The following GLS variants were observed in gnomAD, a reference collection of about 807,000 sequenced individuals.
GLS encodes the protein glutaminase, also known as glutaminase kidney isoform, mitochondrial.
Under a neutral mutation model 86.7 loss-of-function variants are expected in GLS, and 36 were observed. The ratio of observed to expected loss-of-function variants is 0.42; its 90% CI spans 0.32 to 0.55. The LOEUF (loss-of-function observed/expected upper bound fraction) is 0.55. Ranked by LOEUF, GLS falls within the 20% of genes least tolerant of loss-of-function variation. The pLI, the probability that GLS is intolerant of heterozygous loss-of-function variation, is 0.17. For synonymous variants in GLS, 317 were observed against 305.9 expected (o/e 1.04, Z -0.38); for missense variants, 528 against 833.4 (o/e 0.63, Z 4.51).
chr2:190,926,944 CT>C (rs750064252), intron 11 of GLS: 13 of 160,292 alleles, frequency 8.1e-5, no homozygotes, highest in Admixed American at 1.2e-4. Flanking sequence ...TTTCATGGCT[CT>C]TTTTTTTTCT....
chr2:190,957,574 A>G (rs1334056309), intron 17 of GLS, among the ~76,000 whole-genome samples: 1 of 152,212 alleles, frequency 6.6e-6, no homozygotes, highest in Admixed American at 6.5e-5. Context: ...TTATTTTGAG[A>G]TACATTCCAT....
At chr2:190,932,744 G>T (rs760266221) in intron 14 of GLS, 1 of 1,601,676 alleles carries the variant, frequency 6.2e-7, no homozygotes, top group Non-Finnish European at 8.5e-7. Context: ...GACTATGAAA[G>T]TCTCCAACAA....
chr2:190,927,404 C>T lies in GLS; in HGVS notation c.1347C>T (p.Ser449=). The change falls in exon 12 of 18, where the codon AGC becomes AGT. Residue 449 remains serine, a synonymous_variant. Coordinates refer to ENST00000320717, the MANE Select transcript of GLS (RefSeq NM_014905.5). ...CAATTACTGGTGAAAGAGTACTGAGCCCTGAAGCAGTTCGAAATACATTGA... is the reference window on the plus strand; with the variant it reads ...CAATTACTGGTGAAAGAGTACTGAGTCCTGAAGCAGTTCGAAATACATTGA... ...FCPITGERVL[S]PEAVRNTLSL... 6.2e-7 allele frequency: 1 copy of T among 1,613,686 alleles called. No individual in the cohort carries two copies. The highest frequency in any genetic ancestry group is 1.1e-5 in the South Asian group (1 of 91,080).
Position 190,895,961 on chromosome 2 carries a change from T to G in GLS, c.605+236T>G. The G allele has an allele frequency of 3.6e-6, 1 of 278,966 alleles. No individual in the cohort carries two copies. Among genetic ancestry groups the G allele is most frequent in the Non-Finnish European group, 6.9e-6 (1 of 145,240 alleles). 17.3% of individuals were successfully genotyped at this position (278,966 alleles called of 1,614,324 possible). On this transcript the variant is annotated intron_variant, in intron 3 of 17. Transcript: ENST00000320717. The surrounding 1 kb of genome is among the most constrained non-coding windows in gnomAD (Gnocchi z 4.2). ...AATTTAGCCACCGATGTTTCCAGTT[T>G]ACAGTACTTGGAGATTGCATTCAGT...
intron 1 of GLS, among the ~76,000 whole-genome samples, chr2:190,883,914 CT>C (rs1416187758): frequency 6.6e-6 from 1 of 152,076 alleles, no homozygotes; most frequent in Non-Finnish European, 1.5e-5. Context: ...GTTACTTTAC[CT>C]TTTTTTCACA....
chr2:190,913,068 G>A lies in GLS; in HGVS notation c.1038+2747G>A. ...TTTTTTTTTTTCTTTCAAAATTCAG[G>A]AATTTATCATGGTGCCATTAAAATC... On this transcript the variant is annotated intron_variant, in intron 7 of 17. Coordinates refer to ENST00000320717, the MANE Select transcript of GLS (RefSeq NM_014905.5). The surrounding 1 kb of genome is among the most constrained non-coding windows in gnomAD (Gnocchi z 6.1). 1 of 785,192 alleles carries A rather than the reference G, an allele frequency of 1.3e-6. No homozygotes were observed. The highest frequency in any genetic ancestry group is 1.5e-5 in the South Asian group (1 of 66,000). The allele number at this position is 785,192 out of a possible 1,614,324, so 48.6% of individuals were successfully genotyped here.
At chr2:190,919,301 A>T (rs1482732527) in intron 7 of GLS, among the ~76,000 whole-genome samples, 1 of 152,164 alleles carries the variant, frequency 6.6e-6, no homozygotes, top group Admixed American at 6.6e-5. Context: ...CAACGTTAAG[A>T]GCAAAACTTA....
At position 190,953,509 on chromosome 2, in the gene GLS, G is replaced by A; in HGVS notation, c.1651-56G>A. On this transcript the variant is annotated intron_variant, in intron 14 of 17. Transcript: ENST00000320717. The surrounding 1 kb of genome is among the most constrained non-coding windows in gnomAD (Gnocchi z 4.0). Reference sequence around the variant, plus strand: ...GGAAATCACTTGCCAGTGACAGGTGGACGTTGTATGTGTTTTCTCTCTCCT... The same window carrying A: ...GGAAATCACTTGCCAGTGACAGGTGAACGTTGTATGTGTTTTCTCTCTCCT... The A allele has an allele frequency of 8.9e-7, 1 of 1,119,286 alleles. No homozygotes were observed. Among genetic ancestry groups the A allele is most frequent in the Non-Finnish European group, 1.4e-6 (1 of 729,822 alleles). 69.3% of individuals were successfully genotyped at this position (1,119,286 alleles called of 1,614,324 possible).
At chr2:190,959,335 C>G (rs1023791175) in intron 17 of GLS, among the ~76,000 whole-genome samples, 2 of 150,554 alleles carry the variant, frequency 1.3e-5, no homozygotes, top group Admixed American at 6.7e-5. Context: ...TGAGATGGAT[C>G]TCCTGAATAC....
At chr2:190,902,133 C>A in intron 5 of GLS, 107 bp downstream of exon 5, 1 of 656,442 alleles carries the variant, frequency 1.5e-6, no homozygotes, top group Non-Finnish European at 2.8e-6. Context: ...TTAGTCCTAA[C>A]AGGATATAAT....
At chr2:190,881,629 C>T in intron 1 of GLS, 159 bp downstream of exon 1, 1 of 630,984 alleles carries the variant, frequency 1.6e-6, no homozygotes, top group South Asian at 2.3e-5. Flanking sequence ...TGTGATTAGG[C>T]CCGGCCCCGC....
intron 7 of GLS, among the ~76,000 whole-genome samples, chr2:190,915,076 T>C (rs1354422853): frequency 2.0e-5 from 3 of 151,926 alleles, no homozygotes; most frequent in African/African-American, 4.8e-5. Flanking sequence ...AGTGCAGTTC[T>C]GCCTCCCAGG....
Position 190,881,459 on chromosome 2 carries a change from C to G in GLS, c.375C>G (p.Ala125=). The G allele has an allele frequency of 6.5e-7, 1 of 1,541,260 alleles. No homozygotes were observed. Among genetic ancestry groups the G allele is most frequent in the Non-Finnish European group, 8.7e-7 (1 of 1,142,950 alleles). The part of the protein sequence containing the change: ...FGNSEGKELV[A]SGENKIKQGL... Reference sequence around the variant, plus strand: ...ACAGCGAGGGCAAAGAGCTGGTGGCCTCAGGTGAAAAGTGAGTGTCTCCGC... The same window carrying G: ...ACAGCGAGGGCAAAGAGCTGGTGGCGTCAGGTGAAAAGTGAGTGTCTCCGC... Residue 125 remains alanine (A), a synonymous_variant, in exon 1 of 18, where the codon GCC becomes GCG. Coordinates refer to ENST00000320717, the MANE Select transcript of GLS (RefSeq NM_014905.5).
chr2:190,944,913 T>C (rs1015530436), intron 14 of GLS, among the ~76,000 whole-genome samples: 2 of 152,232 alleles, frequency 1.3e-5, no homozygotes, highest in Non-Finnish European at 2.9e-5. Flanking sequence ...AAAAACACCT[T>C]TGGGTAGCAC....
In GLS at chr2:190,963,856, T is replaced by C. The variant is rs774868171; in HGVS notation, c.*870T>C. On this transcript the variant is annotated 3_prime_UTR_variant, in exon 18 of 18. Coordinates refer to ENST00000320717, the MANE Select transcript of GLS (RefSeq NM_014905.5). The stretch of plus-strand genomic sequence containing the variant: ...TTACTAAGTATAAATTAGTCAAGTT[T>C]ATCAGTCTAAAAAACGAAGGGATGT... 2.0e-5 allele frequency: 3 copies of C among 151,964 alleles called. No homozygotes were observed. Among genetic ancestry groups the C allele is most frequent in the Non-Finnish European group, 4.4e-5 (3 of 67,966 alleles). The allele number at this position is 151,964 out of a possible 1,614,324, so 9.4% of individuals were successfully genotyped here.
At position 190,913,332 on chromosome 2, in the gene GLS, C is replaced by G. The variant is rs1689421541; in HGVS notation, c.1038+3011C>G. 1.1e-5 allele frequency: 13 copies of G among 1,197,040 alleles called. No individual in the cohort carries two copies. The South Asian group carries it at 2.0e-4, about 19-fold the overall frequency. The allele number at this position is 1,197,040 out of a possible 1,614,324, so 74.2% of individuals were successfully genotyped here. A position where few individuals can be genotyped will look rare whatever the true frequency, so the allele number is the denominator to read the frequency against. ...TAACTACTAAGCTTATAGGAAAACT[C>G]CAATATTTAAAATTTTAAACAAAGC... On this transcript the variant is annotated intron_variant, in intron 7 of 17. Coordinates refer to ENST00000320717, the MANE Select transcript of GLS (RefSeq NM_014905.5). This position sits in a 1 kb window ranked among gnomAD's most constrained non-coding sequence, Gnocchi z 6.1.
At chr2:190,899,007 T>G (rs187791807) in intron 3 of GLS, among the ~76,000 whole-genome samples, 105 of 152,356 alleles carry the variant, frequency 6.9e-4, no homozygotes, top group African/African-American at 2.5e-3. Context: ...TCAGCAGCTC[T>G]CATTTTTGCA....
At chr2:190,957,311 C>T (rs1490121912) in intron 17 of GLS, among the ~76,000 whole-genome samples, 1 of 152,142 alleles carries the variant, frequency 6.6e-6, no homozygotes, top group South Asian at 2.1e-4. Flanking sequence ...AGGCTGCTCT[C>T]GAACTCCTGA....
chr2:190,910,635 T>A (rs770507841), intron 7 of GLS, among the ~76,000 whole-genome samples: 1 of 151,664 alleles, frequency 6.6e-6, no homozygotes, highest in Non-Finnish European at 1.5e-5. Flanking sequence ...AGTTTTGATA[T>A]TTTTCCTTTC....
Sources: gnomAD v4.1 joint callset for allele counts (sites outside exome capture counted in the v4.1 genomes callset) on GRCh38, gnomAD v4.1.1 for gene constraint, Gnocchi (gnomAD v3.1) non-coding constraint, MANE v1.5 for transcripts, NCBI Gene and HGNC (gene_info 2026-07-23, HGNC 2026-07-21) for gene names.